ELF2: variants seen among roughly 807,000 people sequenced by gnomAD.
ELF2 encodes the protein ETS-related transcription factor Elf-2.
Under a neutral mutation model 54.8 loss-of-function variants are expected in ELF2, and 11 were observed. The observed-to-expected ratio is 0.20, with a 90% CI of 0.13 to 0.33. The LOEUF (loss-of-function observed/expected upper bound fraction) is 0.33, where lower values mean the gene tolerates loss of function less well. Ranked by LOEUF, ELF2 falls within the 10% of genes least tolerant of loss-of-function variation. The pLI, the probability that ELF2 is intolerant of heterozygous loss-of-function variation, is 1.00. For missense variants in ELF2, 513 were observed against 703.0 expected (o/e 0.73, Z 3.06); for synonymous variants, 203 against 245.1 (o/e 0.83, Z 1.61).
At chr4:139,097,087 A>G (rs960026408) in intron 4 of ELF2, among the ~76,000 whole-genome samples, 14 of 152,180 alleles carry the variant, frequency 9.2e-5, no homozygotes, top group Non-Finnish European at 1.9e-4. Flanking sequence ...TGCTCATTAT[A>G]TCAATCTTTC....
At chr4:139,169,272 C>T (rs933775761) in intron 1 of ELF2, among the ~76,000 whole-genome samples, 2 of 148,808 alleles carry the variant, frequency 1.3e-5, no homozygotes, top group African/African-American at 2.5e-5. Flanking sequence ...CACTTGAACC[C>T]GGGAGGCAGA....
chr4:139,114,573 A>T (rs1170093792), intron 4 of ELF2, among the ~76,000 whole-genome samples: 4 of 129,254 alleles, frequency 3.1e-5, no homozygotes, highest in African/African-American at 8.2e-5. Context: ...ACACACACAC[A>T]CACACACACA....
chr4:139,125,044 C>T, intron 4 of ELF2, 120 bp downstream of exon 4: 1 of 1,216,740 alleles, frequency 8.2e-7, no homozygotes. Context: ...TCACTGGTTT[C>T]CAAGCTATAC....
intron 3 of ELF2, among the ~76,000 whole-genome samples, chr4:139,133,938 T>C (rs577338440): frequency 6.6e-6 from 1 of 152,352 alleles, no homozygotes; most frequent in East Asian, 1.9e-4. Flanking sequence ...AGTTATATCA[T>C]CTAGAAATAA....
intron 2 of ELF2, among the ~76,000 whole-genome samples, chr4:139,138,757 A>C (rs574688607): frequency 6.6e-6 from 1 of 152,326 alleles, no homozygotes; most frequent in South Asian, 2.1e-4. Flanking sequence ...AAGTAGTTTA[A>C]AAATAAAGTA....
chr4:139,125,453 G>T, intron 3 of ELF2, 124 bp from the exon 4 acceptor site: 2 of 1,130,102 alleles, frequency 1.8e-6, no homozygotes, highest in Non-Finnish European at 2.4e-6. Context: ...TTATAAATAT[G>T]AATGTAAAAG....
chr4:139,077,547 TTAACACA>T (rs2148711324), intron 4 of ELF2, among the ~76,000 whole-genome samples: 1 of 152,322 alleles, frequency 6.6e-6, no homozygotes, highest in African/African-American at 2.4e-5. Context: ...TTTCCAAAAC[TTAACACA>T]TTTTGTAAAA....
chr4:139,090,780 A>G (rs1022154553), intron 4 of ELF2, among the ~76,000 whole-genome samples: 6 of 152,058 alleles, frequency 3.9e-5, no homozygotes, highest in Admixed American at 2.6e-4. Context: ...TTTTTAGTGG[A>G]GCTGGGATTT....
chr4:139,124,679 A>G (rs1736731039), intron 4 of ELF2, among the ~76,000 whole-genome samples: 2 of 152,192 alleles, frequency 1.3e-5, no homozygotes, highest in Non-Finnish European at 1.5e-5. Context: ...TAAGATCTCT[A>G]AGACGACAAA....
intron 4 of ELF2, among the ~76,000 whole-genome samples, chr4:139,077,764 A>T (rs10776526): frequency 2.6e-5 from 4 of 152,122 alleles, no homozygotes; most frequent in Admixed American, 1.3e-4. Flanking sequence ...AATCAAAGTA[A>T]GCAAGCTACA....
At position 139,163,801 on chromosome 4, in the gene ELF2, C is replaced by G. The variant is rs192220378; in HGVS notation, c.-252+13166G>C. On this transcript the variant is annotated intron_variant, in intron 1 of 9. Coordinates refer to ENST00000686138, the MANE Select transcript of ELF2 (RefSeq NM_001331036.3). ...CACTGGCATGTGCCTGTAGTCTCAGCTACTCAGGAGGCTGAGATGGGAGGA... is the reference window on the plus strand; with the variant it reads ...CACTGGCATGTGCCTGTAGTCTCAGGTACTCAGGAGGCTGAGATGGGAGGA... Among the ~76,000 whole-genome samples the G allele has an allele frequency of 2.0e-5, 3 of 152,090 alleles. No homozygotes were observed. The East Asian group carries it at 5.8e-4, about 29-fold the overall frequency.
At chr4:139,116,701 A>G in intron 4 of ELF2, 1 of 985,436 alleles carries the variant, frequency 1.0e-6, no homozygotes, top group Admixed American at 6.1e-5. Context: ...TAATCCTAGG[A>G]TAGGGGCTCG....
intron 3 of ELF2, 139 bp downstream of exon 3, chr4:139,137,491 A>C: frequency 1.2e-6 from 1 of 821,838 alleles, no homozygotes; most frequent in Non-Finnish European, 1.9e-6. Context: ...TAAATTATAT[A>C]AGGATACACG....
intron 4 of ELF2, among the ~76,000 whole-genome samples, chr4:139,079,543 A>G (rs1258113245): frequency 6.6e-6 from 1 of 152,244 alleles, no homozygotes; most frequent in Non-Finnish European, 1.5e-5. Flanking sequence ...ACTGTAATTA[A>G]TAACAACCAA....
chr4:139,062,562 A>C (rs1399487090), intron 7 of ELF2, among the ~76,000 whole-genome samples: 2 of 152,256 alleles, frequency 1.3e-5, no homozygotes, highest in Non-Finnish European at 2.9e-5. Flanking sequence ...ATTACATATC[A>C]CACTATCCTA....
intron 5 of ELF2, among the ~76,000 whole-genome samples, chr4:139,072,507 A>G (rs1729658634): frequency 6.6e-6 from 1 of 152,246 alleles, no homozygotes. Context: ...ATAAGCACCT[A>G]TAGTTCATTT....
intron 4 of ELF2, among the ~76,000 whole-genome samples, chr4:139,123,907 A>G (rs2148833369): frequency 6.6e-6 from 1 of 152,330 alleles, no homozygotes; most frequent in Non-Finnish European, 1.5e-5. Context: ...AGAAAATTCA[A>G]CTCTGCCACT....
chr4:139,059,707 T>TTGGG, intron 9 of ELF2, 100 bp from the exon 10 acceptor site: 3 of 1,408,386 alleles, frequency 2.1e-6, no homozygotes, highest in Non-Finnish European at 2.9e-6. Flanking sequence ...TGTGTAAAAT[T>TTGGG]AGTGCTCCCA....
chr4:139,173,472 T>C (rs1742545172), intron 1 of ELF2, among the ~76,000 whole-genome samples: 1 of 152,152 alleles, frequency 6.6e-6, no homozygotes, highest in East Asian at 1.9e-4. Flanking sequence ...AAAAAAATGA[T>C]TACAGGGTGG....
Sources: gnomAD v4.1 joint callset for allele counts (sites outside exome capture counted in the v4.1 genomes callset) on GRCh38, gnomAD v4.1.1 for gene constraint, MANE v1.5 for transcripts, NCBI Gene and HGNC (gene_info 2026-07-23, HGNC 2026-07-21) for gene names.